HSD17B12: variants seen among roughly 807,000 people sequenced by gnomAD.
HSD17B12 encodes the protein very-long-chain 3-oxoacyl-CoA reductase.
A neutral mutation model predicts 39.3 loss-of-function variants in HSD17B12; 32 were observed. The ratio of observed to expected loss-of-function variants is 0.81; its 90% CI spans 0.61 to 1.09. The LOEUF is 1.09. HSD17B12 is among the 50% of genes least tolerant of loss of function. The pLI is 0.00. For synonymous variants in HSD17B12, 150 were observed against 146.7 expected, an observed-to-expected ratio of 1.02 and a Z score of -0.16; for missense variants, 342 against 382.9, an observed-to-expected ratio of 0.89 and a Z score of 0.89.
intron 1 of HSD17B12, among the ~76,000 whole-genome samples, chr11:43,683,583 A>ATC (rs1459097552): frequency 6.6e-6 from 1 of 152,210 alleles, no homozygotes; most frequent in African/African-American, 2.4e-5. Flanking sequence ...TTGAATAATT[A>ATC]GAGTTGTGAT....
At chr11:43,646,214 G>T in the HSD17B12 span, 1 of 152,340 alleles carries the variant, frequency 6.6e-6, no homozygotes, top group Admixed American at 6.5e-5. Flanking sequence ...ATGTACATGT[G>T]ATTCTGTTGA....
chr11:43,659,149 G>A, the HSD17B12 span, among the ~76,000 whole-genome samples: 9 of 152,368 alleles, frequency 5.9e-5, no homozygotes, highest in Non-Finnish European at 1.3e-4. Flanking sequence ...AGACTGCTGT[G>A]CTAGCAATGA....
At chr11:43,773,311 A>T (rs1470094970) in intron 3 of HSD17B12, among the ~76,000 whole-genome samples, 1 of 152,168 alleles carries the variant, frequency 6.6e-6, no homozygotes, top group Non-Finnish European at 1.5e-5. Context: ...TGGTGTGATC[A>T]TAGCTCACTG....
chr11:43,566,937 G>C, the HSD17B12 span, among the ~76,000 whole-genome samples: 1 of 152,234 alleles, frequency 6.6e-6, no homozygotes, highest in African/African-American at 2.4e-5. Flanking sequence ...ACTTGGTTCA[G>C]AGCTTCAGTA....
the HSD17B12 span, among the ~76,000 whole-genome samples, chr11:43,636,885 C>T: frequency 6.6e-6 from 1 of 151,998 alleles, no homozygotes; most frequent in South Asian, 2.1e-4. Flanking sequence ...AGAGAATTTT[C>T]GAGATGGAGG....
the HSD17B12 span, chr11:43,576,488 T>TC: frequency 6.6e-6 from 1 of 151,992 alleles, no homozygotes; most frequent in Admixed American, 6.6e-5. Flanking sequence ...ACCGCATTCC[T>TC]CCCCCCACAA....
chr11:43,781,175 A>G (rs1257258781), intron 3 of HSD17B12, among the ~76,000 whole-genome samples: 3 of 152,068 alleles, frequency 2.0e-5, no homozygotes, highest in Admixed American at 1.3e-4. Context: ...GTTGCTCTTA[A>G]CTTTCCATGA....
chr11:43,786,847 G>GT (rs1399286357), intron 3 of HSD17B12, among the ~76,000 whole-genome samples: 1 of 152,084 alleles, frequency 6.6e-6, no homozygotes, highest in Non-Finnish European at 1.5e-5. Flanking sequence ...ATTGATAACT[G>GT]TATTATTACT....
intron 3 of HSD17B12, among the ~76,000 whole-genome samples, chr11:43,788,294 CAG>C (rs755793852): frequency 6.6e-6 from 1 of 151,956 alleles, no homozygotes; most frequent in South Asian, 2.1e-4. Context: ...TAAAAAATAA[CAG>C]AGAGACACAT....
Position 43,808,290 on chromosome 11 carries a change from ATT to A in HSD17B12, c.392-7132_392-7131del, listed in dbSNP as rs35078092. On this transcript the variant is annotated intron_variant, in intron 4 of 10. Coordinates refer to ENST00000278353, the MANE Select transcript of HSD17B12 (RefSeq NM_016142.3). ...CATGGCAAAGAGAATAGGTGCATGGATTTTTTTTTTTTTTTTAATGTGCTAGG... is the reference window on the plus strand; with the variant it reads ...CATGGCAAAGAGAATAGGTGCATGGATTTTTTTTTTTTTTAATGTGCTAGG... Among the ~76,000 whole-genome samples the A allele has an allele frequency of 3.3e-3, 478 of 145,848 alleles. 6 individuals are homozygous for A. Among genetic ancestry groups the A allele is most frequent in the East Asian group, 0.022 (109 of 4,966 alleles).
chr11:43,643,652 TTTC>T, the HSD17B12 span, among the ~76,000 whole-genome samples: 1 of 152,222 alleles, frequency 6.6e-6, no homozygotes, highest in Non-Finnish European at 1.5e-5. Flanking sequence ...ATATTTAATA[TTTC>T]TTATTAGGAC....
the HSD17B12 span, among the ~76,000 whole-genome samples, chr11:43,617,606 C>T: frequency 2.6e-5 from 4 of 152,132 alleles, no homozygotes; most frequent in Non-Finnish European, 5.9e-5. Context: ...ACAAACTACT[C>T]AATTCAGTAG....
At chr11:43,732,243 A>G (rs774823252) in intron 1 of HSD17B12, among the ~76,000 whole-genome samples, 2 of 152,162 alleles carry the variant, frequency 1.3e-5, no homozygotes, top group Non-Finnish European at 2.9e-5. Context: ...CCATGATTGT[A>G]AATTTCCTGA....
chr11:43,831,192 T>TC lies in HSD17B12; in HGVS notation c.536+184dup. 2.2e-6 allele frequency: 1 copy of TC among 445,180 alleles called. No individual in the cohort carries two copies. Among genetic ancestry groups the TC allele is most frequent in the Non-Finnish European group, 4.0e-6 (1 of 249,908 alleles). 27.6% of individuals were successfully genotyped at this position (445,180 alleles called of 1,614,324 possible). A position where few individuals can be genotyped will look rare whatever the true frequency, so the allele number is the denominator to read the frequency against. On this transcript the variant is annotated intron_variant, in intron 7 of 10. Coordinates refer to ENST00000278353, the MANE Select transcript of HSD17B12 (RefSeq NM_016142.3). The surrounding 1 kb of genome is among the most constrained non-coding windows in gnomAD (Gnocchi z 4.1). ...TGAGTCATCGGTGGTGGAGGCCTTT[T>TC]CCACTCGATTCCCTTTTTATTTCTC...
intron 1 of HSD17B12, chr11:43,681,286 C>T: frequency 2.2e-6 from 1 of 464,574 alleles, no homozygotes; most frequent in South Asian, 6.2e-5. Flanking sequence ...TTAAGCCATT[C>T]CGTGTTCATG....
intron 1 of HSD17B12, among the ~76,000 whole-genome samples, chr11:43,746,005 G>T (rs1222315871): frequency 2.0e-5 from 3 of 152,078 alleles, no homozygotes; most frequent in African/African-American, 7.2e-5. Context: ...GCAAGACCCT[G>T]ACTCTTAAAA....
Position 43,690,385 on chromosome 11 carries a change from TATATATA to T in HSD17B12, c.160+9399_160+9405del, listed in dbSNP as rs1949846335. ...ACATATATATATATATATATATATATATATATATATATATATATATTTTTTTTTTTTT... is the reference window on the plus strand; with the variant it reads ...ACATATATATATATATATATATATATTATATATATATATTTTTTTTTTTTT... On this transcript the variant is annotated intron_variant, in intron 1 of 10. Transcript: ENST00000278353. Among the ~76,000 whole-genome samples the T allele has an allele frequency of 5.1e-3, 77 of 15,110 alleles. 4 individuals are homozygous for T. The highest frequency in any genetic ancestry group is 0.014 in the Middle Eastern group (1 of 70). 9.9% of individuals were successfully genotyped at this position (15,110 alleles called of 152,430 possible).
At chr11:43,559,035 G>A in the HSD17B12 span, among the ~76,000 whole-genome samples, 22 of 152,280 alleles carry the variant, frequency 1.4e-4, no homozygotes, top group Admixed American at 6.5e-4. Flanking sequence ...ATCTGCCGGT[G>A]TGAAGTAAAA....
At chr11:43,668,474 T>G in the HSD17B12 span, among the ~76,000 whole-genome samples, 1 of 152,192 alleles carries the variant, frequency 6.6e-6, no homozygotes, top group East Asian at 1.9e-4. Flanking sequence ...ATCCTTATAA[T>G]ATGGTCCCAC....
Sources: gnomAD v4.1 joint callset for allele counts (sites outside exome capture counted in the v4.1 genomes callset) on GRCh38, gnomAD v4.1.1 for gene constraint, Gnocchi (gnomAD v3.1) non-coding constraint, MANE v1.5 for transcripts, NCBI Gene and HGNC (gene_info 2026-07-23, HGNC 2026-07-21) for gene names.